The following GPC6 variants were observed in gnomAD, a reference collection of about 807,000 sequenced individuals.
GPC6 encodes the protein glypican 6.
In GPC6, 14 loss-of-function variants were observed where a neutral mutation model predicts 55.2. The observed-to-expected ratio is 0.25, with a 90% confidence interval of 0.17 to 0.40. The LOEUF (loss-of-function observed/expected upper bound fraction) is 0.40. Among genes scored for constraint, GPC6 ranks in the 10% least tolerant of loss-of-function variants. The pLI is 1.00. For synonymous variants in GPC6, 278 were observed against 259.6 expected (o/e 1.07, Z -0.68); for missense variants, 641 against 708.5 (o/e 0.90, Z 1.08).
intron 6 of GPC6, among the ~76,000 whole-genome samples, chr13:94,371,812 C>T (rs762110980): frequency 8.5e-5 from 13 of 152,160 alleles, no homozygotes; most frequent in Non-Finnish European, 1.6e-4. Flanking sequence ...TTGCTATTTT[C>T]AAGTAAGTAA....
At chr13:94,138,576 A>G in intron 4 of GPC6, among the ~76,000 whole-genome samples, 1 of 152,240 alleles carries the variant, frequency 6.6e-6, no homozygotes, top group East Asian at 1.9e-4. Flanking sequence ...AAAGTTTATC[A>G]TCAACCTCAC....
intron 2 of GPC6, among the ~76,000 whole-genome samples, chr13:93,757,966 T>G (rs147367135): frequency 8.5e-5 from 13 of 152,314 alleles, no homozygotes; most frequent in African/African-American, 3.1e-4. Flanking sequence ...AGGACTAAAG[T>G]TGTGCTATTC....
At chr13:93,765,308 T>TTCCAGATA in intron 2 of GPC6, among the ~76,000 whole-genome samples, 78 of 148,432 alleles carry the variant, frequency 5.3e-4, no homozygotes, top group Admixed American at 1.1e-3. Context: ...AAAGACAACT[T>TTCCAGATA]ATTTGGTTTA....
chr13:94,026,671 C>T (rs1174454472), intron 3 of GPC6, among the ~76,000 whole-genome samples: 1 of 151,906 alleles, frequency 6.6e-6, no homozygotes, highest in Admixed American at 6.6e-5. Context: ...AAGCACTGCC[C>T]GAGAGTATAA....
intron 4 of GPC6, among the ~76,000 whole-genome samples, chr13:94,052,743 G>T (rs561796779): frequency 6.6e-6 from 1 of 152,186 alleles, no homozygotes; most frequent in African/African-American, 2.4e-5. Context: ...TTGGGGGCCT[G>T]CCTTAGCCAG....
chr13:93,488,473 G>A (rs1879820371), intron 1 of GPC6, among the ~76,000 whole-genome samples: 1 of 152,130 alleles, frequency 6.6e-6, no homozygotes, highest in Admixed American at 6.5e-5. Context: ...ATAATCCTTT[G>A]GCTATATACC....
intron 1 of GPC6, among the ~76,000 whole-genome samples, chr13:93,388,858 G>A (rs1374517089): frequency 6.6e-6 from 1 of 152,158 alleles, no homozygotes; most frequent in Non-Finnish European, 1.5e-5. Flanking sequence ...ATCTAGGAAA[G>A]GGCTTGGCAA....
chr13:93,321,925 C>T (rs1164392796), intron 1 of GPC6, among the ~76,000 whole-genome samples: 1 of 152,142 alleles, frequency 6.6e-6, no homozygotes, highest in East Asian at 1.9e-4. Flanking sequence ...TTCTCAAACT[C>T]TCTGTCGTGA....
chr13:94,059,899 G>A (rs1356847288), intron 4 of GPC6, among the ~76,000 whole-genome samples: 1 of 151,474 alleles, frequency 6.6e-6, no homozygotes, highest in Non-Finnish European at 1.5e-5. Flanking sequence ...GAATTTTGGG[G>A]ATACATAAAC....
intron 3 of GPC6, among the ~76,000 whole-genome samples, chr13:93,948,470 C>A (rs1329248474): frequency 1.3e-5 from 2 of 152,122 alleles, no homozygotes; most frequent in Non-Finnish European, 1.5e-5. Flanking sequence ...ACTATAAATT[C>A]ATGAACTGTA....
At chr13:93,238,320 A>T (rs555023254) in intron 1 of GPC6, among the ~76,000 whole-genome samples, 1 of 152,090 alleles carries the variant, frequency 6.6e-6, no homozygotes, top group African/African-American at 2.4e-5. Context: ...TAAAATAAAA[A>T]TTTTATTGTT....
chr13:93,433,556 G>A (rs11619994), intron 1 of GPC6, among the ~76,000 whole-genome samples: 32,259 of 152,058 alleles, frequency 0.21, 3,585 homozygotes, highest in Middle Eastern at 0.29. Flanking sequence ...AAGTAAATGC[G>A]GTACATAGTG....
intron 2 of GPC6, among the ~76,000 whole-genome samples, chr13:93,725,493 T>A (rs1160188130): frequency 6.6e-6 from 1 of 151,998 alleles, no homozygotes; most frequent in Non-Finnish European, 1.5e-5. Context: ...ATCTAGTTAT[T>A]TAGATTATAG....
rs762261930 is a variant in GPC6, at chr13:94,208,753, C to CAAAA, written c.878-77573_878-77570dup. Among the ~76,000 whole-genome samples, 137 of 36,234 alleles carry CAAAA rather than the reference C, an allele frequency of 3.8e-3. 4 individuals carry two copies. The highest frequency in any genetic ancestry group is 0.019 in the Middle Eastern group (1 of 52). 23.8% of individuals were successfully genotyped at this position (36,234 alleles called of 152,430 possible). A position where few individuals can be genotyped will look rare whatever the true frequency, so the allele number is the denominator to read the frequency against. On this transcript the variant is annotated intron_variant, in intron 4 of 8. Transcript: ENST00000377047. ...GCAGCAAAGCAAGACTCCCATCTCC[C>CAAAA]AAAAAAAAAAAAAAAAAAAAAAAAA...
intron 2 of GPC6, among the ~76,000 whole-genome samples, chr13:93,664,520 A>G (rs992379710): frequency 5.9e-5 from 9 of 152,234 alleles, no homozygotes; most frequent in Non-Finnish European, 7.3e-5. Flanking sequence ...GAAACAAATA[A>G]GTGAAACACC....
intron 1 of GPC6, among the ~76,000 whole-genome samples, chr13:93,327,169 C>A (rs545304231): frequency 6.6e-6 from 1 of 152,092 alleles, no homozygotes; most frequent in East Asian, 1.9e-4. Flanking sequence ...AGTAACTAGG[C>A]GTTTGACTTA....
Position 94,403,011 on chromosome 13 carries a change from C to A in GPC6, c.1466-4C>A, listed in dbSNP as rs749027021. On this transcript the variant is annotated splice_region_variant and splice_polypyrimidine_tract_variant and intron_variant, in intron 8 of 8. Coordinates refer to ENST00000377047, the MANE Select transcript of GPC6 (RefSeq NM_005708.5). ...AACTTTCTTTTTCAATCTTTCCACACTAGGTGATGAATCCAGTGGCTCAGG... is the reference window on the plus strand; with the variant it reads ...AACTTTCTTTTTCAATCTTTCCACAATAGGTGATGAATCCAGTGGCTCAGG... The A allele has an allele frequency of 6.3e-7, 1 of 1,599,368 alleles. No homozygotes were observed. Among genetic ancestry groups the A allele is most frequent in the Non-Finnish European group, 8.6e-7 (1 of 1,166,454 alleles).
intron 4 of GPC6, among the ~76,000 whole-genome samples, chr13:94,045,415 T>A (rs1053674947): frequency 3.9e-5 from 6 of 151,936 alleles, no homozygotes; most frequent in African/African-American, 1.2e-4. Flanking sequence ...TTTAAAAAAA[T>A]TCAAATAGTT....
At chr13:93,859,193 A>G (rs1011911143) in intron 3 of GPC6, among the ~76,000 whole-genome samples, 3 of 151,644 alleles carry the variant, frequency 2.0e-5, no homozygotes, top group African/African-American at 7.2e-5. Flanking sequence ...CTTTCTCTTA[A>G]ACAGTATCTA....
Sources: gnomAD v4.1 joint callset for allele counts (sites outside exome capture counted in the v4.1 genomes callset) on GRCh38, gnomAD v4.1.1 for gene constraint, MANE v1.5 for transcripts, NCBI Gene and HGNC (gene_info 2026-07-23, HGNC 2026-07-21) for gene names.